Variants in USP26 observed in about 807,000 individuals in gnomAD.
The protein encoded by USP26 is ubiquitin specific peptidase 26.
For missense variants in USP26, 649 were observed against 642.3 expected, an observed-to-expected ratio of 1.01 and a Z score of -0.11; for synonymous variants, 236 against 240.6, an observed-to-expected ratio of 0.98 and a Z score of 0.18.
intron 5 of USP26, among the ~76,000 whole-genome samples, chrX:133,032,724 G>A (rs767530888): frequency 9.0e-6 from 1 of 111,719 alleles, no homozygotes; most frequent in Non-Finnish European, 1.9e-5. Flanking sequence ...AGCTGAAGGT[G>A]TAGAGAAAAA....
At chrX:133,059,121 C>G (rs1338276845) in intron 5 of USP26, among the ~76,000 whole-genome samples, 1 of 111,536 alleles carries the variant, frequency 9.0e-6, no homozygotes, top group Non-Finnish European at 1.9e-5. Context: ...TCTCTTTTCT[C>G]TTCCCCTCCA....
At chrX:133,044,391 G>A (rs1007166806) in intron 5 of USP26, among the ~76,000 whole-genome samples, 3 of 113,115 alleles carry the variant, frequency 2.7e-5, no homozygotes, top group Admixed American at 1.8e-4. Flanking sequence ...AGGCATGGGC[G>A]GGAACCGGGG....
intron 5 of USP26, among the ~76,000 whole-genome samples, chrX:133,046,957 C>T (rs2067442675): frequency 8.9e-6 from 1 of 111,945 alleles, no homozygotes; most frequent in South Asian, 3.8e-4. Flanking sequence ...AAGGAATGCA[C>T]AGAACCAAGA....
intron 5 of USP26, among the ~76,000 whole-genome samples, chrX:133,040,239 G>T (rs1327549045): frequency 8.9e-6 from 1 of 111,789 alleles, no homozygotes; most frequent in African/African-American, 3.3e-5. Flanking sequence ...TTATCATAAT[G>T]CTAGCTGGTT....
intron 5 of USP26, among the ~76,000 whole-genome samples, chrX:133,067,558 G>A (rs974380919): frequency 7.1e-5 from 8 of 112,407 alleles, no homozygotes; most frequent in Admixed American, 1.9e-4. Flanking sequence ...AAAAGAATGA[G>A]TTCATGTCCT....
At chrX:133,048,586 G>T (rs1045742862) in intron 5 of USP26, among the ~76,000 whole-genome samples, 1 of 105,280 alleles carries the variant, frequency 9.5e-6, no homozygotes, top group Non-Finnish European at 1.9e-5. Context: ...TGGCTCTGTC[G>T]CCCAGGCTGG....
intron 4 of USP26, among the ~76,000 whole-genome samples, chrX:133,084,577 G>A (rs376421101): frequency 1.0e-5 from 1 of 98,824 alleles, no homozygotes; most frequent in Non-Finnish European, 2.0e-5. Flanking sequence ...GCAGTGGTGC[G>A]ATCTCGGCTC....
At position 133,044,678 on chromosome X, in the gene USP26, C is replaced by G. The variant is rs1039597445; in HGVS notation, c.-76-16382G>C. Among the ~76,000 whole-genome samples, 4 of 113,258 alleles carry G rather than the reference C, an allele frequency of 3.5e-5. No homozygotes were observed. In the Admixed American group the frequency reaches 3.7e-4, roughly 10 times the overall value. On this transcript the variant is annotated intron_variant, in intron 5 of 5. Coordinates refer to ENST00000511190, the MANE Select transcript of USP26 (RefSeq NM_031907.3). ...CTCCCCTGCTCCCCACCGTGGGCTC[C>G]TGTGTGGCCCAAGCCTCCCCGACGA...
intron 1 of USP26, among the ~76,000 whole-genome samples, chrX:133,095,093 C>CAAAAAAAAAAA (rs35394795): frequency 2.0e-5 from 1 of 51,248 alleles, no homozygotes; most frequent in African/African-American, 7.0e-5. Context: ...AGACTCTTGT[C>CAAAAAAAAAAA]AAAAAAAAAA....
intron 5 of USP26, among the ~76,000 whole-genome samples, chrX:133,077,127 C>A (rs1422663322): frequency 8.9e-6 from 1 of 111,784 alleles, no homozygotes; most frequent in Non-Finnish European, 1.9e-5. Context: ...GAAGCCATAA[C>A]ATATGCCAAA....
At chrX:133,088,267 T>C (rs2067596309) in intron 4 of USP26, among the ~76,000 whole-genome samples, 1 of 111,516 alleles carries the variant, frequency 9.0e-6, no homozygotes, top group Non-Finnish European at 1.9e-5. Flanking sequence ...ATCAGTTTTG[T>C]GGAAGACAAA....
intron 1 of USP26, among the ~76,000 whole-genome samples, chrX:133,093,811 T>C (rs1431998736): frequency 9.5e-6 from 1 of 105,789 alleles, no homozygotes; most frequent in East Asian, 3.0e-4. Flanking sequence ...CAAAATTCCG[T>C]CTCTATAAAA....
chrX:133,046,468 TA>T (rs2067440704), intron 5 of USP26, among the ~76,000 whole-genome samples: 1 of 111,898 alleles, frequency 8.9e-6, no homozygotes, highest in Non-Finnish European at 1.9e-5. Flanking sequence ...CCATTGTTTT[TA>T]AAACTTGTCC....
chrX:133,045,918 G>A (rs759354368), intron 5 of USP26: 1 of 112,296 alleles, frequency 8.9e-6, no homozygotes, highest in South Asian at 3.7e-4. Context: ...AGGTCATCCT[G>A]GGAACATCCA....
intron 5 of USP26, among the ~76,000 whole-genome samples, chrX:133,056,468 G>C (rs1388702706): frequency 9.0e-6 from 1 of 111,262 alleles, no homozygotes; most frequent in East Asian, 2.8e-4. Flanking sequence ...GCCAATTAGG[G>C]GATTTCTCTT....
chrX:133,058,831 TAG>T (rs759322172), intron 5 of USP26, among the ~76,000 whole-genome samples: 29 of 111,451 alleles, frequency 2.6e-4, no homozygotes, highest in African/African-American at 9.1e-4. Context: ...CTTTTTGAGA[TAG>T]AGTCTCACTC....
At chrX:133,089,063 G>A (rs73564260) in intron 4 of USP26, among the ~76,000 whole-genome samples, 2,540 of 108,691 alleles carry the variant, frequency 0.023, 44 homozygotes, top group African/African-American at 0.07. Context: ...TAAATCAAAA[G>A]GCTTTGAAAT....
At chrX:133,087,988 A>G (rs1295744295) in intron 4 of USP26, among the ~76,000 whole-genome samples, 1 of 111,541 alleles carries the variant, frequency 9.0e-6, no homozygotes, top group Non-Finnish European at 1.9e-5. Context: ...TGGGCAACAT[A>G]GGGACATCCC....
intron 5 of USP26, among the ~76,000 whole-genome samples, chrX:133,070,696 T>G (rs2067527658): frequency 8.9e-6 from 1 of 112,012 alleles, no homozygotes; most frequent in African/African-American, 3.2e-5. Context: ...CAGCTAATTT[T>G]CTCTTCTCAG....
Sources: allele counts gnomAD v4.1 joint callset (sites outside exome capture counted in the v4.1 genomes callset), GRCh38; gene constraint gnomAD v4.1.1; transcripts MANE v1.5; gene names NCBI Gene and HGNC (gene_info 2026-07-23, HGNC 2026-07-21).